Variants in EDA observed in about 807,000 individuals in gnomAD.
The protein encoded by EDA is ectodysplasin-A.
In EDA, 2 loss-of-function variants were observed where a neutral mutation model predicts 23.6. The ratio of observed to expected loss-of-function variants is 0.08; its 90% confidence interval spans 0.03 to 0.27. The LOEUF (loss-of-function observed/expected upper bound fraction) is 0.27. Among genes scored for constraint, EDA ranks in the 10% least tolerant of loss-of-function variants. EDA has a pLI of 1.00. For missense variants in EDA, 229 were observed against 324.2 expected (o/e 0.71, Z 2.26); for synonymous variants, 131 against 132.0 (o/e 0.99, Z 0.05).
chrX:69,729,082 G>A (rs762918813), intron 1 of EDA: 1 of 111,348 alleles, frequency 9.0e-6, no homozygotes, highest in South Asian at 3.8e-4. Flanking sequence ...AGTATCTTTG[G>A]ATGACTATAT....
At chrX:69,860,124 G>C (rs1409986998) in intron 1 of EDA, among the ~76,000 whole-genome samples, 1 of 111,065 alleles carries the variant, frequency 9.0e-6, no homozygotes, top group Non-Finnish European at 1.9e-5. Flanking sequence ...GTATGCCATT[G>C]CATGTGAGAT....
chrX:69,975,955 C>T (rs1314345077), intron 2 of EDA, among the ~76,000 whole-genome samples: 14 of 111,636 alleles, frequency 1.3e-4, no homozygotes, highest in Admixed American at 7.6e-4. Flanking sequence ...GACATAGAAA[C>T]GTGTCATGGT....
rs754981946 is a variant in EDA at position 70,023,478 on chromosome X, C to CTTTTTTTTTTT, written c.526+255_526+265dup. On this transcript the variant is annotated intron_variant, in intron 3 of 7. Coordinates refer to ENST00000374552, the MANE Select transcript of EDA (RefSeq NM_001399.5). The stretch of plus-strand genomic sequence containing the variant: ...TCTTCTCCCTGCCCTTCTTTTTATT[C>CTTTTTTTTTTT]TTTTTTTTTTTTTTTTTTTTTTTTT... 2.7e-3 allele frequency among the ~76,000 whole-genome samples: 89 copies of CTTTTTTTTTTT among 33,499 alleles called. 9 individuals carry two copies. The highest frequency in any genetic ancestry group is 8.0e-3 in the East Asian group (6 of 750). The allele number at this position is 33,499 out of a possible 115,157, so 29.1% of individuals were successfully genotyped here. A position where few individuals can be genotyped will look rare whatever the true frequency, so the allele number is the denominator to read the frequency against.
At chrX:69,724,564 G>A (rs947323234) in intron 1 of EDA, among the ~76,000 whole-genome samples, 3 of 111,360 alleles carry the variant, frequency 2.7e-5, no homozygotes, top group African/African-American at 9.8e-5. Flanking sequence ...AAACTCTGTT[G>A]ACCTAAGTGT....
intron 1 of EDA, among the ~76,000 whole-genome samples, chrX:69,727,464 C>T (rs1287324917): frequency 2.7e-5 from 3 of 112,189 alleles, no homozygotes; most frequent in Non-Finnish European, 3.8e-5. Context: ...TTATGGTTGG[C>T]CATTCTCCTG....
At chrX:69,815,695 G>C (rs1395460930) in intron 1 of EDA, among the ~76,000 whole-genome samples, 1 of 112,257 alleles carries the variant, frequency 8.9e-6, no homozygotes, top group African/African-American at 3.2e-5. Context: ...CCCTGGGACA[G>C]AGCTTCTGGG....
Position 69,980,906 on chromosome X carries a change from T to G in EDA, c.502+23774T>G, listed in dbSNP as rs2019395833. Among the ~76,000 whole-genome samples, 3 of 111,733 alleles carry G rather than the reference T, an allele frequency of 2.7e-5. 1 individual carries two copies. In the Admixed American group the frequency reaches 2.8e-4, roughly 11 times the overall value. ...GTCTTATTTTGCCCCTCTGGGCAGG[T>G]GTTCATTTTGTCTTTTTGATGCTTC... On this transcript the variant is annotated intron_variant, in intron 2 of 7. Coordinates refer to ENST00000374552, the MANE Select transcript of EDA (RefSeq NM_001399.5).
At chrX:69,860,073 T>C (rs1019156266) in intron 1 of EDA, among the ~76,000 whole-genome samples, 4 of 111,222 alleles carry the variant, frequency 3.6e-5, no homozygotes, top group African/African-American at 1.3e-4. Context: ...GTTTTCTCTT[T>C]GCTTGGTAGA....
intron 1 of EDA, chrX:69,693,114 T>A (rs1934760162): frequency 8.9e-6 from 1 of 111,821 alleles, no homozygotes; most frequent in African/African-American, 3.3e-5. Context: ...GTTCTTCTTT[T>A]CTTTGGGGAG....
At chrX:69,992,002 T>C (rs771916813) in intron 2 of EDA, among the ~76,000 whole-genome samples, 58 of 112,391 alleles carry the variant, frequency 5.2e-4, no homozygotes, top group African/African-American at 1.8e-3. Context: ...TAATAGTTAC[T>C]TTAAGAAGAT....
At chrX:69,870,819 G>T (rs1279318773) in intron 1 of EDA, among the ~76,000 whole-genome samples, 2 of 111,523 alleles carry the variant, frequency 1.8e-5, no homozygotes, top group Non-Finnish European at 3.8e-5. Flanking sequence ...TATAGTAAGA[G>T]CTTGTGTCTG....
intron 1 of EDA, among the ~76,000 whole-genome samples, chrX:69,728,992 C>T (rs2012915548): frequency 9.0e-6 from 1 of 111,312 alleles, no homozygotes; most frequent in African/African-American, 3.3e-5. Flanking sequence ...ATATAAAAAC[C>T]AAATAAAATG....
At chrX:69,663,270 T>G (rs1933570978) in intron 1 of EDA, among the ~76,000 whole-genome samples, 1 of 111,747 alleles carries the variant, frequency 8.9e-6, no homozygotes, top group Non-Finnish European at 1.9e-5. Flanking sequence ...AAAATTGGTT[T>G]CGTGAGCCTG....
chrX:69,620,857 G>A, intron 1 of EDA: 1 of 378,736 alleles, frequency 2.6e-6, no homozygotes, highest in Non-Finnish European at 5.2e-6. Flanking sequence ...CTTTGGAGGT[G>A]TTTATGTGAA....
intron 1 of EDA, among the ~76,000 whole-genome samples, chrX:69,752,991 C>T (rs1234817222): frequency 2.4e-4 from 27 of 110,496 alleles, no homozygotes; most frequent in South Asian, 1.1e-3. Context: ...GTCTTGCTAG[C>T]GGTCTATCAA....
intron 1 of EDA, among the ~76,000 whole-genome samples, chrX:69,623,532 G>A (rs1240222513): frequency 7.2e-5 from 8 of 111,435 alleles, no homozygotes; most frequent in African/African-American, 2.3e-4. Flanking sequence ...AATTTTGGGG[G>A]GAACACAAAC....
intron 1 of EDA, among the ~76,000 whole-genome samples, chrX:69,866,625 G>A (rs1278127979): frequency 9.0e-6 from 1 of 111,402 alleles, no homozygotes; most frequent in Non-Finnish European, 1.9e-5. Flanking sequence ...GGGAGAAATA[G>A]TACCATATAT....
intron 1 of EDA, among the ~76,000 whole-genome samples, chrX:69,898,029 G>T (rs758352848): frequency 6.3e-5 from 7 of 111,932 alleles, no homozygotes; most frequent in Non-Finnish European, 1.3e-4. Context: ...GTGGGTGAAA[G>T]TAAGTACAGG....
intron 1 of EDA, chrX:69,937,732 G>A: frequency 1.7e-6 from 2 of 1,187,771 alleles, no homozygotes; most frequent in Non-Finnish European, 2.3e-6. Flanking sequence ...AAATTAAACT[G>A]CCAAGTTGAA....
Sources: allele counts gnomAD v4.1 joint callset (sites outside exome capture counted in the v4.1 genomes callset), GRCh38; gene constraint gnomAD v4.1.1; transcripts MANE v1.5; gene names NCBI Gene and HGNC (gene_info 2026-07-23, HGNC 2026-07-21).